Variants in PCDHA8 observed in about 807,000 individuals in gnomAD.
The protein encoded by PCDHA8 is protocadherin alpha 8.
In PCDHA8, 53 loss-of-function variants were observed where a neutral mutation model predicts 61.8. The observed-to-expected ratio is 0.86, with a 90% CI of 0.69 to 1.08. PCDHA8 has a LOEUF of 1.08. Among genes scored for constraint, PCDHA8 ranks in the 50% least tolerant of loss-of-function variants. PCDHA8 has a pLI of 0.00. For missense variants in PCDHA8, 1,293 were observed against 1,245.0 expected (o/e 1.04, Z -0.58); for synonymous variants, 618 against 556.6 (o/e 1.11, Z -1.55).
chr5:140,926,609 G>T, intron 1 of PCDHA8: 1 of 350,856 alleles, frequency 2.9e-6, no homozygotes, highest in Non-Finnish European at 5.0e-6. Flanking sequence ...CCTCGTCTCT[G>T]CACCCCTAGG....
chr5:140,969,257 A>G, intron 1 of PCDHA8: 1 of 1,614,220 alleles, frequency 6.2e-7, no homozygotes, highest in Non-Finnish European at 8.5e-7. Context: ...TGACAGCAGG[A>G]ATCTCACAGG....
chr5:140,873,275 T>C (rs1335407966), intron 1 of PCDHA8, among the ~76,000 whole-genome samples: 1 of 152,220 alleles, frequency 6.6e-6, no homozygotes, highest in Non-Finnish European at 1.5e-5. Context: ...TAAACCATCA[T>C]ACCACTTATG....
At chr5:140,990,284 T>C (rs2097384646) in intron 3 of PCDHA8, among the ~76,000 whole-genome samples, 1 of 152,142 alleles carries the variant, frequency 6.6e-6, no homozygotes, top group African/African-American at 2.4e-5. Flanking sequence ...GGTCTTGAGA[T>C]TATCGATGCC....
At chr5:140,995,087 C>T (rs1482673933) in intron 3 of PCDHA8, among the ~76,000 whole-genome samples, 1 of 152,222 alleles carries the variant, frequency 6.6e-6, no homozygotes, top group Non-Finnish European at 1.5e-5. Flanking sequence ...CCAAACTTAT[C>T]TGTGGAGATA....
chr5:140,969,281 A>C, intron 1 of PCDHA8: 5 of 1,614,220 alleles, frequency 3.1e-6, no homozygotes, highest in Non-Finnish European at 3.4e-6. Context: ...AAGTGGTCAG[A>C]ATGCTGGGAA....
chr5:140,853,369 T>G, intron 1 of PCDHA8: 1 of 982,984 alleles, frequency 1.0e-6, no homozygotes, highest in African/African-American at 1.8e-5. Flanking sequence ...GATCCAGAGA[T>G]GGTAAAATTC....
At chr5:140,941,195 C>T (rs1337267572) in intron 1 of PCDHA8, among the ~76,000 whole-genome samples, 39 of 106,424 alleles carry the variant, frequency 3.7e-4, no homozygotes, top group Non-Finnish European at 4.9e-4. Context: ...CTTTTTTTTT[C>T]TTTCTTCCTT....
At chr5:140,949,544 T>A (rs981428881) in intron 1 of PCDHA8, among the ~76,000 whole-genome samples, 1 of 151,908 alleles carries the variant, frequency 6.6e-6, no homozygotes, top group Non-Finnish European at 1.5e-5. Flanking sequence ...TATCGATTTG[T>A]TGCTGGTCAT....
intron 1 of PCDHA8, chr5:140,869,637 T>A: frequency 6.2e-7 from 1 of 1,613,610 alleles, no homozygotes; most frequent in Non-Finnish European, 8.5e-7. Flanking sequence ...ATGAGTATTT[T>A]TCTTTAGATT....
At chr5:140,995,416 T>G (rs2097682772) in intron 3 of PCDHA8, among the ~76,000 whole-genome samples, 1 of 152,228 alleles carries the variant, frequency 6.6e-6, no homozygotes, top group African/African-American at 2.4e-5. Context: ...TTCATCACAT[T>G]ACTCAGAACA....
At position 140,929,086 on chromosome 5, in the gene PCDHA8, G is replaced by A. The variant is rs899611580; in HGVS notation, c.2395-49863G>A. 2.5e-6 allele frequency: 4 copies of A among 1,614,158 alleles called. No individual in the cohort carries two copies. The South Asian group carries it at 4.4e-5, about 18-fold the overall frequency. On this transcript the variant is annotated intron_variant, in intron 1 of 3. Coordinates refer to ENST00000531613, the MANE Select transcript of PCDHA8 (RefSeq NM_018911.3). ...GGATCTGAGGTATGGAAGTAAGATG[G>A]TTTCAAATCCTTGCATGACATCAGC... is the stretch of plus-strand genomic sequence containing the variant.
At chr5:140,878,093 G>C (rs1209778256) in intron 1 of PCDHA8, 1 of 292,952 alleles carries the variant, frequency 3.4e-6, no homozygotes, top group Non-Finnish European at 6.0e-6. Context: ...TTATATGACT[G>C]ATGAACCTTG....
intron 1 of PCDHA8, chr5:140,866,128 A>G (rs1022878402): frequency 6.6e-6 from 1 of 152,166 alleles, no homozygotes; most frequent in Non-Finnish European, 1.5e-5. Flanking sequence ...AGAACTACGT[A>G]TCTGTTGTTT....
At chr5:140,942,916 A>G (rs2093393160) in intron 1 of PCDHA8, among the ~76,000 whole-genome samples, 1 of 152,158 alleles carries the variant, frequency 6.6e-6, no homozygotes, top group Non-Finnish European at 1.5e-5. Context: ...GCGTGAAGAA[A>G]AAAAAAATTG....
intron 1 of PCDHA8, among the ~76,000 whole-genome samples, chr5:140,911,760 A>G (rs1295639313): frequency 6.6e-6 from 1 of 151,962 alleles, no homozygotes; most frequent in African/African-American, 2.4e-5. Flanking sequence ...TCTCCATACT[A>G]TTAGAAGTAC....
intron 1 of PCDHA8, chr5:140,852,695 T>G: frequency 1.0e-6 from 1 of 976,386 alleles, no homozygotes; most frequent in Non-Finnish European, 1.2e-6. Context: ...GTCTTATACT[T>G]TCAAGTATCT....
At chr5:140,881,191 T>C (rs564115136) in intron 1 of PCDHA8, 2 of 170,408 alleles carry the variant, frequency 1.2e-5, no homozygotes, top group African/African-American at 4.8e-5. Context: ...AAAGATATGT[T>C]AACATCTTTG....
chr5:140,871,649 G>A (rs781859029), intron 1 of PCDHA8: 23 of 1,265,706 alleles, frequency 1.8e-5, no homozygotes, highest in Admixed American at 8.7e-5. Flanking sequence ...AATACCAAAT[G>A]ATACACATCT....
intron 1 of PCDHA8, chr5:140,927,409 A>C (rs1554204480): frequency 2.5e-6 from 4 of 1,614,002 alleles, no homozygotes; most frequent in Non-Finnish European, 3.4e-6. Flanking sequence ...TCGCCTGGAC[A>C]TGGGATCGCG....
Sources: gnomAD v4.1 joint callset for allele counts (sites outside exome capture counted in the v4.1 genomes callset) on GRCh38, gnomAD v4.1.1 for gene constraint, MANE v1.5 for transcripts, NCBI Gene and HGNC (gene_info 2026-07-23, HGNC 2026-07-21) for gene names.